ZNF503: variants seen among roughly 807,000 people sequenced by gnomAD.
ZNF503 encodes zinc finger protein 503, also known as NocA-like zinc finger 2.
ZNF503 carries 15 observed loss-of-function variants against 34.4 expected under a neutral mutation model. The observed-to-expected ratio is 0.44, with a 90% CI of 0.29 to 0.67. The LOEUF (loss-of-function observed/expected upper bound fraction) is 0.67, where lower values mean the gene tolerates loss of function less well. Among genes scored for constraint, ZNF503 ranks in the 30% least tolerant of loss-of-function variants. The pLI is 0.13. For missense variants in ZNF503, 1,007 were observed against 926.8 expected (o/e 1.09, Z -1.12); for synonymous variants, 580 against 456.8 (o/e 1.27, Z -3.44).
the ZNF503 span, among the ~76,000 whole-genome samples, chr10:75,385,448 C>T: frequency 6.6e-6 from 1 of 152,362 alleles, no homozygotes; most frequent in South Asian, 2.1e-4. Flanking sequence ...TTTTGGTCAG[C>T]TGGGGCGGCC....
downstream of ZNF503, among the ~76,000 whole-genome samples, chr10:75,395,669 C>T (rs546425883): frequency 3.9e-5 from 6 of 152,304 alleles, no homozygotes; most frequent in South Asian, 1.0e-3. The surrounding 1 kb of genome is among the most constrained non-coding windows in gnomAD (Gnocchi z 4.4). Context: ...GGCACCCACC[C>T]TTCACTTACC....
the ZNF503 span, among the ~76,000 whole-genome samples, chr10:75,382,995 CCTT>C: frequency 6.6e-6 from 1 of 152,184 alleles, no homozygotes; most frequent in Non-Finnish European, 1.5e-5. Context: ...CAGCCTGCAT[CCTT>C]CTTACTGATA....
chr10:75,353,012 G>GA, the ZNF503 span, among the ~76,000 whole-genome samples: 1 of 152,216 alleles, frequency 6.6e-6, no homozygotes, highest in Non-Finnish European at 1.5e-5. Context: ...GCTGTGTCCC[G>GA]AGGGGGGGCA....
At chr10:75,281,074 G>T in the ZNF503 span, among the ~76,000 whole-genome samples, 1 of 152,150 alleles carries the variant, frequency 6.6e-6, no homozygotes, top group African/African-American at 2.4e-5. Context: ...TTATCATCCA[G>T]ACTAGAATGC....
chr10:75,317,361 T>A, the ZNF503 span, among the ~76,000 whole-genome samples: 1 of 136,884 alleles, frequency 7.3e-6, no homozygotes. Context: ...CACTGCAAGC[T>A]CCATCTCTCG....
the ZNF503 span, among the ~76,000 whole-genome samples, chr10:75,285,783 G>T: frequency 1.3e-5 from 2 of 152,218 alleles, no homozygotes; most frequent in Non-Finnish European, 2.9e-5. Context: ...GGGTCCTTTG[G>T]AAGGGGAAAA....
chr10:75,290,090 C>T, the ZNF503 span, among the ~76,000 whole-genome samples: 1 of 152,096 alleles, frequency 6.6e-6, no homozygotes, highest in African/African-American at 2.4e-5. Flanking sequence ...GAAGTGGAAC[C>T]GTGCAGAATT....
At chr10:75,349,168 C>T in the ZNF503 span, among the ~76,000 whole-genome samples, 1 of 152,366 alleles carries the variant, frequency 6.6e-6, no homozygotes, top group Admixed American at 6.5e-5. Flanking sequence ...ATATTCACAT[C>T]TCCCCAGTTA....
chr10:75,370,449 T>G, the ZNF503 span, among the ~76,000 whole-genome samples: 1 of 152,128 alleles, frequency 6.6e-6, no homozygotes, highest in Non-Finnish European at 1.5e-5. Flanking sequence ...TCTGGGAAGG[T>G]GCTTGTGGCC....
the ZNF503 span, among the ~76,000 whole-genome samples, chr10:75,346,654 C>G: frequency 1.3e-5 from 2 of 152,030 alleles, no homozygotes; most frequent in Admixed American, 6.6e-5. Flanking sequence ...GTTGCCCAGG[C>G]TGGTCTCAAA....
the ZNF503 span, among the ~76,000 whole-genome samples, chr10:75,320,945 A>G: frequency 1.3e-5 from 2 of 152,292 alleles, no homozygotes; most frequent in African/African-American, 2.4e-5. Context: ...GGGTACTGAC[A>G]TGGTTTGGAT....
Position 75,399,848 on chromosome 10 carries a change from T to C in ZNF503, c.842A>G (p.His281Arg). 6.2e-7 allele frequency: 1 copy of C among 1,604,172 alleles called. No homozygotes were observed. The highest frequency in any genetic ancestry group is 8.5e-7 in the Non-Finnish European group (1 of 1,176,796). ...SAEGGPTGLA[H>R]GRISCGGGIN... ...CCCGCCGCCGCAGCTAATCCGGCCG[T>C]GTGCCAGCCCCGTGGGTCCCCCTTC... The change falls in exon 2 of 2, where the codon CAC becomes CGC. Residue 281 changes from histidine to arginine, a missense_variant. Physicochemically the swap from His to Arg is conservative, Grantham distance 29 (BLOSUM62 0). Transcript: ENST00000372524.
Position 75,399,484 on chromosome 10 carries a change from C to T in ZNF503, c.1206G>A (p.Leu402=), listed in dbSNP as rs940962453. The part of the protein sequence containing the change: ...AQLAAAAAGS[L]GCSKPAGSSP... The stretch of plus-strand genomic sequence containing the variant: ...TGGAGCCGGCCGGCTTACTGCAGCC[C>T]AGAGACCCGGCCGCGGCCGCCGCCA... Residue 402 remains leucine, a synonymous_variant, in exon 2 of 2, where the codon CTG becomes CTA. Coordinates refer to ENST00000372524, the MANE Select transcript of ZNF503 (RefSeq NM_032772.6). The T allele has an allele frequency of 2.0e-5, 31 of 1,574,938 alleles. No individual in the cohort carries two copies. In the African/African-American group the frequency reaches 3.5e-4, roughly 18 times the overall value.
the ZNF503 span, among the ~76,000 whole-genome samples, chr10:75,296,113 C>T: frequency 6.6e-6 from 1 of 152,196 alleles, no homozygotes; most frequent in Admixed American, 6.5e-5. Context: ...GGGCCAGGGC[C>T]CTGGCTGCAC....
chr10:75,383,129 G>A, the ZNF503 span, among the ~76,000 whole-genome samples: 1 of 152,272 alleles, frequency 6.6e-6, no homozygotes, highest in African/African-American at 2.4e-5. Flanking sequence ...GAAGCCCGAG[G>A]GGCCCATGGT....
the ZNF503 span, among the ~76,000 whole-genome samples, chr10:75,369,528 T>C: frequency 1.3e-5 from 2 of 152,216 alleles, no homozygotes; most frequent in East Asian, 1.9e-4. Context: ...CCTTCCACCA[T>C]GATTGTAAGT....
At chr10:75,351,799 C>T in the ZNF503 span, among the ~76,000 whole-genome samples, 9 of 152,236 alleles carry the variant, frequency 5.9e-5, no homozygotes, top group Non-Finnish European at 1.0e-4. Context: ...GACTTTAGAA[C>T]GGGACAGACT....
chr10:75,333,558 C>T, the ZNF503 span, among the ~76,000 whole-genome samples: 11 of 78,822 alleles, frequency 1.4e-4, no homozygotes, highest in South Asian at 5.2e-4. Flanking sequence ...CCTCACCTCC[C>T]GGACGGGGCA....
the ZNF503 span, among the ~76,000 whole-genome samples, chr10:75,289,074 G>A: frequency 5.4e-3 from 817 of 152,300 alleles, 12 homozygotes; most frequent in African/African-American, 0.019. Flanking sequence ...CCTGGAGGGT[G>A]AATCTTCCCA....
Sources: allele counts gnomAD v4.1 joint callset (sites outside exome capture counted in the v4.1 genomes callset), GRCh38; gene constraint gnomAD v4.1.1; non-coding constraint Gnocchi (gnomAD v3.1); transcripts MANE v1.5; gene names NCBI Gene and HGNC (gene_info 2026-07-23, HGNC 2026-07-21).